Variants in CADM2 observed in about 807,000 individuals in gnomAD.
CADM2 encodes cell adhesion molecule 2.
In CADM2, 12 loss-of-function variants were observed where a neutral mutation model predicts 49.8. The ratio of observed to expected loss-of-function variants is 0.24; its 90% CI spans 0.15 to 0.39. CADM2 has a LOEUF of 0.39. Among genes scored for constraint, CADM2 ranks in the 10% least tolerant of loss-of-function variants. The probability of loss-of-function intolerance (pLI) is 1.00; values close to 1 mark genes in which losing one functional copy is unlikely to be tolerated. For synonymous variants in CADM2, 214 were observed against 175.4 expected (o/e 1.22, Z -1.74); for missense variants, 378 against 492.3 (o/e 0.77, Z 2.20).
intron 2 of CADM2, among the ~76,000 whole-genome samples, chr3:85,795,508 C>T (rs970564175): frequency 2.0e-5 from 3 of 152,114 alleles, no homozygotes; most frequent in African/African-American, 7.2e-5. Context: ...AATCATACTT[C>T]AAAGTCAGAA....
At chr3:85,497,628 TC>T (rs1358736051) in intron 1 of CADM2, among the ~76,000 whole-genome samples, 2 of 152,060 alleles carry the variant, frequency 1.3e-5, no homozygotes, top group Non-Finnish European at 2.9e-5. Flanking sequence ...AATTAGAAAA[TC>T]ATCTTTAAAA....
intron 1 of CADM2, among the ~76,000 whole-genome samples, chr3:85,706,480 A>G (rs967594634): frequency 1.3e-5 from 2 of 152,110 alleles, no homozygotes; most frequent in Non-Finnish European, 2.9e-5. Flanking sequence ...ATTCCTAATG[A>G]TACATTATGT....
At chr3:85,142,557 G>T (rs547042659) in intron 1 of CADM2, among the ~76,000 whole-genome samples, 3 of 151,976 alleles carry the variant, frequency 2.0e-5, no homozygotes, top group Admixed American at 2.0e-4. Context: ...GGATATTTTT[G>T]GATTATTTTT....
intron 8 of CADM2, among the ~76,000 whole-genome samples, chr3:85,969,525 C>A (rs770818011): frequency 8.0e-4 from 121 of 151,100 alleles, no homozygotes; most frequent in Non-Finnish European, 1.5e-3. Context: ...TAAATTGTCC[C>A]CCAGTCACAT....
chr3:85,400,294 G>A (rs1356701229), intron 1 of CADM2, among the ~76,000 whole-genome samples: 2 of 152,140 alleles, frequency 1.3e-5, no homozygotes, highest in Non-Finnish European at 2.9e-5. Context: ...TCCCAGGGAC[G>A]AAGCCCACTT....
intron 1 of CADM2, among the ~76,000 whole-genome samples, chr3:85,066,895 A>C (rs1576151784): frequency 6.6e-6 from 1 of 151,988 alleles, no homozygotes; most frequent in Non-Finnish European, 1.5e-5. Context: ...GACATTCCAC[A>C]CTTCTCCTTT....
chr3:85,204,490 C>A (rs1489658068), intron 1 of CADM2, among the ~76,000 whole-genome samples: 4 of 152,116 alleles, frequency 2.6e-5, no homozygotes, highest in Non-Finnish European at 5.9e-5. Context: ...ATCACTCTTA[C>A]AAACACAGAG....
intron 3 of CADM2, among the ~76,000 whole-genome samples, chr3:85,868,107 A>G (rs1201302705): frequency 1.3e-5 from 2 of 152,060 alleles, no homozygotes; most frequent in Non-Finnish European, 2.9e-5. Context: ...GCTGATAAAA[A>G]TTTAAAAATT....
In CADM2 at chr3:85,835,771, A is replaced by ATG. The variant is rs1330427299; in HGVS notation, c.238+33576_238+33577insGT. ...GTATATAATATATAATATAATATATATATATCCCTTGCTTGCAAAAAACAG... is the reference window on the plus strand; with the variant it reads ...GTATATAATATATAATATAATATATATGTATATCCCTTGCTTGCAAAAAACAG... On this transcript the variant is annotated intron_variant, in intron 3 of 9. Coordinates refer to ENST00000383699, the MANE Select transcript of CADM2 (RefSeq NM_001167675.2). 2.7e-5 allele frequency among the ~76,000 whole-genome samples: 4 copies of ATG among 147,530 alleles called. No homozygotes were observed. In the East Asian group the frequency reaches 7.9e-4, roughly 29 times the overall value.
At chr3:85,635,086 G>C (rs1463637635) in intron 1 of CADM2, among the ~76,000 whole-genome samples, 1 of 152,012 alleles carries the variant, frequency 6.6e-6, no homozygotes, top group East Asian at 1.9e-4. Context: ...ATGAATGCTA[G>C]TTGACAAAAT....
chr3:85,568,230 T>A (rs899520843), intron 1 of CADM2, among the ~76,000 whole-genome samples: 1 of 152,042 alleles, frequency 6.6e-6, no homozygotes, highest in Admixed American at 6.6e-5. Flanking sequence ...CAGACTACAG[T>A]CCAAATAATC....
intron 2 of CADM2, among the ~76,000 whole-genome samples, chr3:85,792,691 GAAAACCATTGCC>G (rs1361872384): frequency 1.3e-5 from 2 of 152,188 alleles, no homozygotes; most frequent in Non-Finnish European, 2.9e-5. Context: ...GAGAGATGGA[GAAAACCATTGCC>G]ACCACTCATC....
At chr3:85,669,803 A>G (rs2065681410) in intron 1 of CADM2, among the ~76,000 whole-genome samples, 1 of 152,136 alleles carries the variant, frequency 6.6e-6, no homozygotes, top group Non-Finnish European at 1.5e-5. Flanking sequence ...ACATAGAAGC[A>G]TTTAACATGG....
At chr3:85,095,968 G>A (rs1165305949) in intron 1 of CADM2, among the ~76,000 whole-genome samples, 1 of 151,956 alleles carries the variant, frequency 6.6e-6, no homozygotes, top group Non-Finnish European at 1.5e-5. Context: ...GGACTCCCAA[G>A]CTCCAAGTCT....
At chr3:85,416,413 G>C (rs1190355000) in intron 1 of CADM2, among the ~76,000 whole-genome samples, 1 of 152,018 alleles carries the variant, frequency 6.6e-6, no homozygotes, top group East Asian at 1.9e-4. Flanking sequence ...GAGATCCTTT[G>C]AAATAAAGAA....
At chr3:85,681,468 A>C (rs1053103798) in intron 1 of CADM2, among the ~76,000 whole-genome samples, 1 of 152,160 alleles carries the variant, frequency 6.6e-6, no homozygotes, top group African/African-American at 2.4e-5. Flanking sequence ...ATTGAATTGC[A>C]GTGCAGTTAG....
chr3:85,041,138 A>G (rs1051660708), intron 1 of CADM2, among the ~76,000 whole-genome samples: 1 of 152,176 alleles, frequency 6.6e-6, no homozygotes, highest in Non-Finnish European at 1.5e-5. Flanking sequence ...TCTAAAACTA[A>G]TAACTGGTTT....
At chr3:85,804,986 C>G (rs993083099) in intron 3 of CADM2, among the ~76,000 whole-genome samples, 2 of 151,924 alleles carry the variant, frequency 1.3e-5, no homozygotes, top group Admixed American at 1.3e-4. Flanking sequence ...TTTTGTTGCT[C>G]AGGGAGTTCA....
At chr3:85,037,513 T>C (rs1361579180) in intron 1 of CADM2, among the ~76,000 whole-genome samples, 1 of 152,232 alleles carries the variant, frequency 6.6e-6, no homozygotes, top group African/African-American at 2.4e-5. Flanking sequence ...TTGCAGGAGA[T>C]GCAATGATCT....
Sources: allele counts gnomAD v4.1 joint callset (sites outside exome capture counted in the v4.1 genomes callset), GRCh38; gene constraint gnomAD v4.1.1; transcripts MANE v1.5; gene names NCBI Gene and HGNC (gene_info 2026-07-23, HGNC 2026-07-21).